LINC00305: variants seen among roughly 807,000 people sequenced by gnomAD.
LINC00305 encodes long intergenic non-protein coding RNA 305.
At position 64,143,053 on chromosome 18, in the gene LINC00305, T is replaced by C. The variant is rs140262402; in HGVS notation, n.314+5722A>G. Among the ~76,000 whole-genome samples, 1,111 of 152,056 alleles carry C rather than the reference T, an allele frequency of 7.3e-3. 17 individuals carry two copies. Among genetic ancestry groups the C allele is most frequent in the African/African-American group, 0.025 (1,032 of 41,484 alleles). The stretch of plus-strand genomic sequence containing the variant: ...CAAAGCACAAGCAAAGTGGGTGCCA[T>C]GAGGGGAAGGGGAAGAGAGTGGGAG... On this transcript the variant is annotated intron_variant and non_coding_transcript_variant, in intron 1 of 3. Coordinates refer to ENST00000666468, the Ensembl canonical transcript of LINC00305.
intron 1 of LINC00305, among the ~76,000 whole-genome samples, chr18:64,114,419 A>T (rs994221196): frequency 6.6e-6 from 1 of 152,182 alleles, no homozygotes; most frequent in Non-Finnish European, 1.5e-5. Context: ...CTAAATGGAC[A>T]TTCCGGGTGT....
intron 3 of LINC00305, among the ~76,000 whole-genome samples, chr18:64,095,162 G>A (rs2051240420): frequency 1.3e-5 from 2 of 152,098 alleles, no homozygotes; most frequent in Admixed American, 6.5e-5. Flanking sequence ...CTTAAAATTT[G>A]AGAGGCGATT....
intron 1 of LINC00305, among the ~76,000 whole-genome samples, chr18:64,136,863 C>T (rs1407053094): frequency 2.0e-5 from 3 of 151,750 alleles, no homozygotes; most frequent in Non-Finnish European, 4.4e-5. Context: ...GTAGGGCACG[C>T]TGGACTGAAG....
At chr18:64,118,545 C>T (rs925303821) in intron 1 of LINC00305, among the ~76,000 whole-genome samples, 1 of 152,086 alleles carries the variant, frequency 6.6e-6, no homozygotes, top group African/African-American at 2.4e-5. Context: ...TAGGACATAA[C>T]TCCAAACACT....
intron 1 of LINC00305, among the ~76,000 whole-genome samples, chr18:64,116,090 C>CT (rs1231131537): frequency 6.6e-6 from 1 of 152,194 alleles, no homozygotes; most frequent in African/African-American, 2.4e-5. Context: ...GGAGTTAAGA[C>CT]TGAGTTCTGG....
intron 1 of LINC00305, among the ~76,000 whole-genome samples, chr18:64,142,095 CTGTCTA>C (rs1374996574): frequency 6.6e-6 from 1 of 152,104 alleles, no homozygotes; most frequent in Non-Finnish European, 1.5e-5. Flanking sequence ...TCAGACGCTG[CTGTCTA>C]TGTGCACTGG....
chr18:64,103,035 C>T (rs1269401687), intron 1 of LINC00305, among the ~76,000 whole-genome samples: 1 of 152,294 alleles, frequency 6.6e-6, no homozygotes, highest in South Asian at 2.1e-4. Context: ...GATTAGTTCT[C>T]ATGATTCCTA....
intron 1 of LINC00305, among the ~76,000 whole-genome samples, chr18:64,116,056 G>T (rs1185162473): frequency 3.3e-5 from 5 of 152,068 alleles, no homozygotes; most frequent in Non-Finnish European, 5.9e-5. Context: ...GCTCTTAAAA[G>T]CTCTCCAGCC....
intron 3 of LINC00305, among the ~76,000 whole-genome samples, chr18:64,082,447 C>T: frequency 6.6e-6 from 1 of 152,306 alleles, no homozygotes. Flanking sequence ...AGTAACAAAA[C>T]TCCAGTTTCT....
intron 1 of LINC00305, among the ~76,000 whole-genome samples, chr18:64,109,609 T>G (rs1242319701): frequency 1.3e-5 from 2 of 152,240 alleles, no homozygotes; most frequent in Admixed American, 6.5e-5. Context: ...CTACCAGTTT[T>G]GAAAGTATAC....
chr18:64,089,857 A>G (rs2051218205), intron 3 of LINC00305, among the ~76,000 whole-genome samples: 1 of 152,206 alleles, frequency 6.6e-6, no homozygotes, highest in African/African-American at 2.4e-5. Context: ...AGACTTATTC[A>G]CTATTAAAAG....
intron 1 of LINC00305, among the ~76,000 whole-genome samples, chr18:64,129,366 A>G (rs1014684173): frequency 7.2e-5 from 11 of 152,086 alleles, no homozygotes; most frequent in Non-Finnish European, 1.5e-4. Flanking sequence ...AAGTTGCATT[A>G]AAAAATTGGG....
At chr18:64,108,441 G>T (rs2051300920) in intron 1 of LINC00305, among the ~76,000 whole-genome samples, 1 of 152,126 alleles carries the variant, frequency 6.6e-6, no homozygotes. Flanking sequence ...TGAAAACTCA[G>T]GTCAGAGAAG....
intron 1 of LINC00305, among the ~76,000 whole-genome samples, chr18:64,116,543 T>C (rs572483172): frequency 6.6e-6 from 1 of 152,338 alleles, no homozygotes; most frequent in African/African-American, 2.4e-5. Flanking sequence ...TATATATCAA[T>C]TGTCACTTTC....
At chr18:64,101,873 G>A (rs1480142609) in intron 1 of LINC00305, among the ~76,000 whole-genome samples, 2 of 152,158 alleles carry the variant, frequency 1.3e-5, no homozygotes, top group Non-Finnish European at 2.9e-5. Context: ...CCACATGGTA[G>A]GTTGTAGCCT....
chr18:64,140,786 C>T (rs1444573318), intron 1 of LINC00305, among the ~76,000 whole-genome samples: 3 of 151,922 alleles, frequency 2.0e-5, no homozygotes, highest in Non-Finnish European at 4.4e-5. Context: ...TTTTTCTTAT[C>T]TGGGTGTGCC....
intron 1 of LINC00305, among the ~76,000 whole-genome samples, chr18:64,116,918 A>G (rs1262244702): frequency 2.0e-5 from 3 of 152,170 alleles, no homozygotes; most frequent in South Asian, 2.1e-4. Flanking sequence ...GGAGCTTGCT[A>G]AAACCACAAA....
chr18:64,130,452 C>A (rs1433498823), intron 1 of LINC00305, among the ~76,000 whole-genome samples: 1 of 152,148 alleles, frequency 6.6e-6, no homozygotes, highest in African/African-American at 2.4e-5. Context: ...TCTACCTTTT[C>A]AGTTACCCAA....
chr18:64,081,018 T>C (rs144252474), intron 3 of LINC00305, among the ~76,000 whole-genome samples: 864 of 152,340 alleles, frequency 5.7e-3, no homozygotes, highest in Admixed American at 9.6e-3. Context: ...TCTGTGTGTG[T>C]CTGTGTGTTT....
Sources: gnomAD v4.1 joint callset for allele counts (sites outside exome capture counted in the v4.1 genomes callset) on GRCh38, gnomAD v4.1.1 for gene constraint, MANE v1.5 for transcripts, NCBI Gene and HGNC (gene_info 2026-07-23, HGNC 2026-07-21) for gene names.